Variants in LAMA2 observed in about 807,000 individuals in gnomAD.
LAMA2 encodes laminin subunit alpha-2.
LAMA2 carries 269 observed loss-of-function variants against 364.8 expected under a neutral mutation model. That is an observed-to-expected ratio of 0.74 (90% confidence interval 0.67 to 0.82). The LOEUF (loss-of-function observed/expected upper bound fraction) is 0.82. Ranked by LOEUF, LAMA2 falls within the 40% of genes least tolerant of loss-of-function variation. LAMA2 has a pLI of 0.00. For synonymous variants in LAMA2, 1,379 were observed against 1,370.6 expected (o/e 1.01, Z -0.14); for missense variants, 3,807 against 3,873.2 (o/e 0.98, Z 0.45).
At position 129,226,430 on chromosome 6, in the gene LAMA2, T is replaced by C. The variant is rs551688050; in HGVS notation, c.1783-23682T>C. ...TGTTTCAGTTTCTTCCTAGCATCGATGGTCTTTACAATTTGGCATGTTTTT... is the reference window on the plus strand; with the variant it reads ...TGTTTCAGTTTCTTCCTAGCATCGACGGTCTTTACAATTTGGCATGTTTTT... On this transcript the variant is annotated intron_variant, in intron 12 of 64. Transcript: ENST00000421865. Among the ~76,000 whole-genome samples the C allele has an allele frequency of 3.3e-5, 5 of 152,350 alleles. No homozygotes were observed. In the East Asian group the frequency reaches 9.6e-4, roughly 29 times the overall value.
At chr6:128,883,499 G>A (rs1187544567) in intron 1 of LAMA2, 142 bp downstream of exon 1, 43 of 1,402,106 alleles carry the variant, frequency 3.1e-5, no homozygotes, top group Non-Finnish European at 4.1e-5. Flanking sequence ...AGAGGAACTT[G>A]AAGCAAGTTC....
rs188724239 is a variant in LAMA2 at position 129,325,953 on chromosome 6, C to T, written c.4177-2325C>T. Among the ~76,000 whole-genome samples the T allele has an allele frequency of 1.1e-3, 169 of 152,268 alleles. 1 individual carries two copies. The highest frequency in any genetic ancestry group is 3.8e-3 in the African/African-American group (157 of 41,554). On this transcript the variant is annotated intron_variant, in intron 28 of 64. Transcript: ENST00000421865. ...TTCCCAGGTTCAAGCGATGCTCGTG[C>T]CTCAGCCTCCAGAGTAGTTGGGACT... is the stretch of plus-strand genomic sequence containing the variant.
intron 19 of LAMA2, among the ~76,000 whole-genome samples, chr6:129,289,317 G>A (rs1049196492): frequency 5.9e-5 from 9 of 152,112 alleles, no homozygotes; most frequent in Admixed American, 5.9e-4. Flanking sequence ...CTAGCTGTGT[G>A]CTCCTGAGCA....
chr6:129,453,467 T>C (rs1447449493), intron 46 of LAMA2, among the ~76,000 whole-genome samples: 1 of 152,186 alleles, frequency 6.6e-6, no homozygotes, highest in African/African-American at 2.4e-5. Flanking sequence ...TTATCTTATT[T>C]ACTGTTCAAA....
chr6:129,015,728 C>A (rs972776182), intron 1 of LAMA2, among the ~76,000 whole-genome samples: 3 of 152,012 alleles, frequency 2.0e-5, no homozygotes, highest in African/African-American at 7.2e-5. Flanking sequence ...GGAAATGATG[C>A]ACATAAAATA....
At chr6:129,209,348 A>G (rs1330991198) in intron 12 of LAMA2, among the ~76,000 whole-genome samples, 1 of 152,218 alleles carries the variant, frequency 6.6e-6, no homozygotes, top group South Asian at 2.1e-4. Flanking sequence ...GTGTCTCACA[A>G]TCTAGCAGAG....
At chr6:129,482,553 C>T (rs1784397885) in intron 55 of LAMA2, among the ~76,000 whole-genome samples, 1 of 152,104 alleles carries the variant, frequency 6.6e-6, no homozygotes, top group Non-Finnish European at 1.5e-5. Flanking sequence ...TGCACATACC[C>T]TTGTAAACCA....
chr6:129,221,958 G>A (rs1410917767), intron 12 of LAMA2, among the ~76,000 whole-genome samples: 1 of 152,192 alleles, frequency 6.6e-6, no homozygotes, highest in African/African-American at 2.4e-5. Flanking sequence ...ATCACAGCAT[G>A]ATGGTCTTTA....
chr6:129,192,064 AATAC>A (rs1357249794), intron 11 of LAMA2, among the ~76,000 whole-genome samples: 1 of 152,234 alleles, frequency 6.6e-6, no homozygotes, highest in East Asian at 1.9e-4. Context: ...TATCTGAAGG[AATAC>A]ATACAGTATT....
intron 1 of LAMA2, among the ~76,000 whole-genome samples, chr6:129,013,799 T>C (rs1784913102): frequency 6.6e-6 from 1 of 152,038 alleles, no homozygotes; most frequent in Non-Finnish European, 1.5e-5. Context: ...AGAATAAATT[T>C]GGTGCAAGAA....
intron 12 of LAMA2, among the ~76,000 whole-genome samples, chr6:129,203,641 A>G (rs1215838824): frequency 6.6e-6 from 1 of 152,244 alleles, no homozygotes; most frequent in Non-Finnish European, 1.5e-5. Context: ...AAAATAATAC[A>G]TGACTTTTTT....
In LAMA2 at chr6:129,029,114, A is replaced by C. The variant is rs80134865; in HGVS notation, c.113-20804A>C. On this transcript the variant is annotated intron_variant, in intron 1 of 64. Transcript: ENST00000421865. The stretch of plus-strand genomic sequence containing the variant: ...ATACAAGGAGAAAGGAATATGTTAG[A>C]AACAAGTAAGAAGTTCCATATGGAA... Among the ~76,000 whole-genome samples, 431 of 152,096 alleles carry C rather than the reference A, an allele frequency of 2.8e-3. 1 individual carries two copies. The highest frequency in any genetic ancestry group is 9.9e-3 in the African/African-American group (411 of 41,558).
chr6:129,230,818 A>G (rs1001230962), intron 12 of LAMA2, among the ~76,000 whole-genome samples: 1 of 152,068 alleles, frequency 6.6e-6, no homozygotes, highest in Non-Finnish European at 1.5e-5. Context: ...AAAACTAGAG[A>G]TTAAAATAAT....
intron 1 of LAMA2, among the ~76,000 whole-genome samples, chr6:128,902,325 GA>G (rs1326735010): frequency 6.6e-6 from 1 of 152,134 alleles, no homozygotes; most frequent in Non-Finnish European, 1.5e-5. Flanking sequence ...ATTTCCAGTT[GA>G]AAGTATTTCC....
chr6:129,357,514 T>G (rs1777215005), intron 32 of LAMA2, among the ~76,000 whole-genome samples: 1 of 152,018 alleles, frequency 6.6e-6, no homozygotes, highest in Non-Finnish European at 1.5e-5. Context: ...TAACATATAT[T>G]TATTTAAAAT....
intron 3 of LAMA2, among the ~76,000 whole-genome samples, chr6:129,084,570 C>A (rs922511519): frequency 2.6e-4 from 40 of 152,096 alleles, no homozygotes; most frequent in African/African-American, 9.4e-4. Flanking sequence ...TCACTTCTAT[C>A]AGTGATGATA....
intron 41 of LAMA2, among the ~76,000 whole-genome samples, chr6:129,432,980 GA>G (rs2114751086): frequency 6.6e-6 from 1 of 152,270 alleles, no homozygotes; most frequent in East Asian, 1.9e-4. Flanking sequence ...CAGATCAGAA[GA>G]GGGTTTCTCC....
At chr6:129,434,357 T>A (rs544083142) in intron 41 of LAMA2, among the ~76,000 whole-genome samples, 89 of 152,222 alleles carry the variant, frequency 5.8e-4, no homozygotes, top group African/African-American at 2.1e-3. Context: ...TTCTAGCACA[T>A]TTTTCTTCTA....
chr6:129,224,566 A>T (rs1266443006), intron 12 of LAMA2, among the ~76,000 whole-genome samples: 1 of 152,104 alleles, frequency 6.6e-6, no homozygotes, highest in Admixed American at 6.5e-5. Context: ...GGGCTGTTGA[A>T]TTTTGTCAAA....
Sources: allele counts gnomAD v4.1 joint callset (sites outside exome capture counted in the v4.1 genomes callset), GRCh38; gene constraint gnomAD v4.1.1; transcripts MANE v1.5; gene names NCBI Gene and HGNC (gene_info 2026-07-23, HGNC 2026-07-21).